Variants in CDKAL1 observed in about 807,000 individuals in gnomAD.
CDKAL1 encodes threonylcarbamoyladenosine tRNA methylthiotransferase.
Under a neutral mutation model 68.2 loss-of-function variants are expected in CDKAL1, and 32 were observed. The ratio of observed to expected loss-of-function variants is 0.47; its 90% CI spans 0.35 to 0.63. The LOEUF (loss-of-function observed/expected upper bound fraction) is 0.63. Ranked by LOEUF, CDKAL1 falls within the 30% of genes least tolerant of loss-of-function variation. The probability of loss-of-function intolerance (pLI) is 0.00; values close to 1 mark genes in which losing one functional copy is unlikely to be tolerated. For missense variants in CDKAL1, 606 were observed against 696.7 expected (o/e 0.87, Z 1.47); for synonymous variants, 234 against 244.3 (o/e 0.96, Z 0.39).
chr6:20,871,866 G>A (rs1413456429), intron 9 of CDKAL1, among the ~76,000 whole-genome samples: 1 of 152,120 alleles, frequency 6.6e-6, no homozygotes, highest in Non-Finnish European at 1.5e-5. Context: ...AGGTGTCATA[G>A]CTCTATAACC....
chr6:20,658,801 A>G (rs1769149078), intron 5 of CDKAL1, among the ~76,000 whole-genome samples: 1 of 152,170 alleles, frequency 6.6e-6, no homozygotes, highest in Admixed American at 6.5e-5. Flanking sequence ...TTTTTTAACT[A>G]AACTTCTAAA....
chr6:21,055,374 T>C (rs923890236), intron 11 of CDKAL1, among the ~76,000 whole-genome samples: 23 of 152,316 alleles, frequency 1.5e-4, no homozygotes, highest in Middle Eastern at 3.4e-3. Flanking sequence ...TGTTTGTTTT[T>C]TCTTTTTTTA....
At chr6:20,724,138 A>T (rs571531064) in intron 5 of CDKAL1, among the ~76,000 whole-genome samples, 10 of 152,032 alleles carry the variant, frequency 6.6e-5, no homozygotes, top group African/African-American at 2.4e-4. Flanking sequence ...GTGTTTCACC[A>T]TGTTGGCCAG....
chr6:21,153,921 GGAAATTAGA>G (rs1776527898), intron 13 of CDKAL1, among the ~76,000 whole-genome samples: 1 of 152,076 alleles, frequency 6.6e-6, no homozygotes, highest in Non-Finnish European at 1.5e-5. Context: ...GCAAGGATGG[GGAAATTAGA>G]GCCAATCTAA....
intron 11 of CDKAL1, among the ~76,000 whole-genome samples, chr6:21,035,084 G>A (rs1318577619): frequency 2.0e-5 from 3 of 152,086 alleles, no homozygotes; most frequent in Admixed American, 1.3e-4. Flanking sequence ...TCTTGCTATG[G>A]AAATATTTAT....
At chr6:20,610,918 T>C (rs1766590467) in intron 4 of CDKAL1, among the ~76,000 whole-genome samples, 2 of 152,180 alleles carry the variant, frequency 1.3e-5, no homozygotes, top group African/African-American at 4.8e-5. Flanking sequence ...CATGTGATCC[T>C]CCTGTCTTAG....
chr6:21,128,692 A>T (rs563671980), intron 13 of CDKAL1, among the ~76,000 whole-genome samples: 1 of 152,350 alleles, frequency 6.6e-6, no homozygotes, highest in South Asian at 2.1e-4. Flanking sequence ...ACAATTAAGA[A>T]TAAAAGCTTG....
intron 10 of CDKAL1, among the ~76,000 whole-genome samples, chr6:20,987,447 G>T (rs113167348): frequency 0.014 from 2,053 of 152,050 alleles, 45 homozygotes; most frequent in African/African-American, 0.045. Flanking sequence ...TAAAGACGGG[G>T]TTTTACCATG....
intron 5 of CDKAL1, among the ~76,000 whole-genome samples, chr6:20,715,111 A>G (rs2127835623): frequency 6.6e-6 from 1 of 152,346 alleles, no homozygotes; most frequent in East Asian, 1.9e-4. Context: ...ATAATACAAC[A>G]TTATTAACTA....
At chr6:20,670,384 A>G (rs1216061729) in intron 5 of CDKAL1, among the ~76,000 whole-genome samples, 1 of 152,160 alleles carries the variant, frequency 6.6e-6, no homozygotes, top group Non-Finnish European at 1.5e-5. Flanking sequence ...AAATATGAGC[A>G]TGGCCCTCAA....
intron 7 of CDKAL1, among the ~76,000 whole-genome samples, chr6:20,773,704 C>G (rs1285488757): frequency 6.6e-6 from 1 of 151,962 alleles, no homozygotes; most frequent in African/African-American, 2.4e-5. Context: ...CCTGCCACCA[C>G]GCCCAGCTAA....
chr6:20,642,489 A>C (rs185994671), intron 4 of CDKAL1, among the ~76,000 whole-genome samples: 6 of 151,034 alleles, frequency 4.0e-5, no homozygotes, highest in East Asian at 3.9e-4. Flanking sequence ...AAAAAAAAAA[A>C]AAAACACTGC....
At chr6:20,744,562 A>C (rs1773587759) in intron 6 of CDKAL1, among the ~76,000 whole-genome samples, 1 of 152,136 alleles carries the variant, frequency 6.6e-6, no homozygotes, top group Non-Finnish European at 1.5e-5. Context: ...TGGAGAATCT[A>C]GTGAGATGGG....
intron 9 of CDKAL1, among the ~76,000 whole-genome samples, chr6:20,891,153 G>A (rs906491125): frequency 3.9e-5 from 6 of 152,182 alleles, no homozygotes; most frequent in African/African-American, 1.2e-4. Flanking sequence ...CATGGCTACC[G>A]CATGAGTTAC....
At chr6:20,604,117 C>T (rs958776644) in intron 4 of CDKAL1, among the ~76,000 whole-genome samples, 3 of 152,090 alleles carry the variant, frequency 2.0e-5, no homozygotes, top group South Asian at 2.1e-4. Context: ...GCATCTACTG[C>T]AAAGGATACT....
At chr6:21,103,553 G>T (rs1219187419) in intron 12 of CDKAL1, among the ~76,000 whole-genome samples, 1 of 152,118 alleles carries the variant, frequency 6.6e-6, no homozygotes, top group Non-Finnish European at 1.5e-5. Flanking sequence ...GAATCTAGAA[G>T]TTTTACCAAA....
At chr6:20,981,577 C>T (rs995379610) in intron 10 of CDKAL1, among the ~76,000 whole-genome samples, 1 of 152,222 alleles carries the variant, frequency 6.6e-6, no homozygotes, top group Non-Finnish European at 1.5e-5. Flanking sequence ...CACAGTGGCT[C>T]ACGCCTGTAA....
intron 12 of CDKAL1, among the ~76,000 whole-genome samples, chr6:21,066,735 C>A (rs959499235): frequency 6.6e-6 from 1 of 152,212 alleles, no homozygotes; most frequent in African/African-American, 2.4e-5. Flanking sequence ...AGTCCTTCCA[C>A]CTCAGCATCT....
At chr6:20,541,029 C>A (rs1763369438) in intron 2 of CDKAL1, among the ~76,000 whole-genome samples, 1 of 152,174 alleles carries the variant, frequency 6.6e-6, no homozygotes, top group Non-Finnish European at 1.5e-5. Flanking sequence ...GAGAGTGTGG[C>A]ATCCTGGAAA....
Sources: gnomAD v4.1 joint callset for allele counts (sites outside exome capture counted in the v4.1 genomes callset) on GRCh38, gnomAD v4.1.1 for gene constraint, MANE v1.5 for transcripts, NCBI Gene and HGNC (gene_info 2026-07-23, HGNC 2026-07-21) for gene names.